CELF4: variants seen among roughly 807,000 people sequenced by gnomAD.
The protein encoded by CELF4 is CUGBP Elav-like family member 4.
A neutral mutation model predicts 59.9 loss-of-function variants in CELF4; 18 were observed. The observed-to-expected ratio is 0.30, with a 90% CI of 0.21 to 0.45. The LOEUF (loss-of-function observed/expected upper bound fraction) is 0.45. Ranked by LOEUF, CELF4 falls within the 20% of genes least tolerant of loss-of-function variation. CELF4 has a pLI of 1.00. For synonymous variants in CELF4, 261 were observed against 267.1 expected, an observed-to-expected ratio of 0.98 and a Z score of 0.22; for missense variants, 456 against 689.0, an observed-to-expected ratio of 0.66 and a Z score of 3.79.
chr18:37,561,328 C>T (rs932350356), intron 1 of CELF4, among the ~76,000 whole-genome samples: 10 of 152,182 alleles, frequency 6.6e-5, no homozygotes, highest in South Asian at 2.1e-4. Context: ...TAAAATGCAT[C>T]GTAGGCTCTG....
chr18:37,426,880 T>C (rs537787541), intron 2 of CELF4, among the ~76,000 whole-genome samples: 2 of 151,256 alleles, frequency 1.3e-5, no homozygotes, highest in Admixed American at 6.6e-5. Flanking sequence ...TTAATCCCCA[T>C]GGATTACTTG....
chr18:37,353,097 T>G (rs1469404061), intron 2 of CELF4, among the ~76,000 whole-genome samples: 1 of 151,540 alleles, frequency 6.6e-6, no homozygotes, highest in East Asian at 1.9e-4. Flanking sequence ...GGCACGTGCC[T>G]GCAGTCCCAG....
At chr18:37,402,214 G>C (rs1378177079) in intron 2 of CELF4, among the ~76,000 whole-genome samples, 1 of 152,222 alleles carries the variant, frequency 6.6e-6, no homozygotes, top group Non-Finnish European at 1.5e-5. Flanking sequence ...CAGGGAGGCT[G>C]CTGAGGTGAA....
chr18:37,350,874 T>C (rs933339240), intron 2 of CELF4, among the ~76,000 whole-genome samples: 3 of 152,048 alleles, frequency 2.0e-5, no homozygotes, highest in African/African-American at 7.2e-5. Context: ...GGAGAGGGCA[T>C]GGTCAGGATT....
chr18:37,296,488 G>A (rs894774), intron 3 of CELF4, among the ~76,000 whole-genome samples: 72,960 of 152,078 alleles, frequency 0.48, 17,911 homozygotes, highest in South Asian at 0.62. Flanking sequence ...GAGCCACTGC[G>A]CCTGGCCGGT....
chr18:37,308,914 C>T (rs1300738368), intron 3 of CELF4, among the ~76,000 whole-genome samples: 3 of 152,208 alleles, frequency 2.0e-5, no homozygotes, highest in Non-Finnish European at 2.9e-5. Flanking sequence ...AGCTGACCCT[C>T]CACACTCAGA....
intron 2 of CELF4, among the ~76,000 whole-genome samples, chr18:37,407,529 G>A (rs1242941376): frequency 6.6e-6 from 1 of 151,994 alleles, no homozygotes; most frequent in Non-Finnish European, 1.5e-5. Flanking sequence ...GTACAGGTGT[G>A]TACATGTGTG....
chr18:37,435,097 T>C (rs915121208), intron 2 of CELF4, among the ~76,000 whole-genome samples: 1 of 152,114 alleles, frequency 6.6e-6, no homozygotes, highest in Non-Finnish European at 1.5e-5. Context: ...GGGTTCCCCT[T>C]TGGGGGTAGA....
rs909048890 is a variant in CELF4 at position 37,504,998 on chromosome 18, G to A, written c.287-19391C>T. On this transcript the variant is annotated intron_variant, in intron 1 of 12. Coordinates refer to ENST00000420428, the MANE Select transcript of CELF4 (RefSeq NM_020180.4). Reference sequence around the variant, plus strand: ...GAAGGCCAAGAGGAGTCCTAGGGCTGGCCAGAGCCCATCCTCCTCCAGCCA... The same window carrying A: ...GAAGGCCAAGAGGAGTCCTAGGGCTAGCCAGAGCCCATCCTCCTCCAGCCA... 3.7e-4 allele frequency among the ~76,000 whole-genome samples: 57 copies of A among 152,380 alleles called. No individual in the cohort carries two copies. In the Middle Eastern group the frequency reaches 0.01, roughly 27 times the overall value.
intron 11 of CELF4, 25 bp downstream of exon 11, chr18:37,259,156 A>G: frequency 6.2e-7 from 1 of 1,613,750 alleles, no homozygotes; most frequent in Non-Finnish European, 8.5e-7. Flanking sequence ...CCGATCCACA[A>G]ACACTTTCGA....
At chr18:37,518,368 C>T (rs186310670) in intron 1 of CELF4, among the ~76,000 whole-genome samples, 4 of 152,284 alleles carry the variant, frequency 2.6e-5, no homozygotes, top group East Asian at 1.9e-4. Flanking sequence ...CGCTTTATAG[C>T]GTGATTATGA....
At chr18:37,491,857 G>C (rs2099906746) in intron 1 of CELF4, among the ~76,000 whole-genome samples, 1 of 152,216 alleles carries the variant, frequency 6.6e-6, no homozygotes, top group African/African-American at 2.4e-5. Context: ...GGAAAACACA[G>C]TGCAGCAGAA....
intron 2 of CELF4, among the ~76,000 whole-genome samples, chr18:37,444,659 C>T (rs185819904): frequency 7.2e-4 from 107 of 149,024 alleles, no homozygotes; most frequent in African/African-American, 2.1e-3. Flanking sequence ...CACACGCGAA[C>T]GATGCAGTTT....
intron 2 of CELF4, among the ~76,000 whole-genome samples, chr18:37,376,834 T>G (rs1483873889): frequency 1.3e-5 from 2 of 152,214 alleles, no homozygotes; most frequent in African/African-American, 4.8e-5. Flanking sequence ...AGTGGATGAA[T>G]TCTGCAATGT....
At chr18:37,352,970 C>T (rs572336859) in intron 2 of CELF4, among the ~76,000 whole-genome samples, 111 of 152,096 alleles carry the variant, frequency 7.3e-4, no homozygotes, top group South Asian at 1.2e-3. Context: ...GCCTGTAATC[C>T]CAGCACTTTG....
At chr18:37,496,652 T>A (rs1470774584) in intron 1 of CELF4, among the ~76,000 whole-genome samples, 1 of 152,200 alleles carries the variant, frequency 6.6e-6, no homozygotes, top group Admixed American at 6.5e-5. Context: ...TTGGAAAATG[T>A]GACTTTCTTT....
chr18:37,373,234 T>G (rs1273796728), intron 2 of CELF4, among the ~76,000 whole-genome samples: 2 of 152,216 alleles, frequency 1.3e-5, no homozygotes, highest in Non-Finnish European at 2.9e-5. Flanking sequence ...TGGCCCTTTC[T>G]CACTGCTGGT....
At chr18:37,392,430 C>T (rs1028889921) in intron 2 of CELF4, among the ~76,000 whole-genome samples, 1 of 152,194 alleles carries the variant, frequency 6.6e-6, no homozygotes, top group African/African-American at 2.4e-5. Flanking sequence ...AAGCCTCTTG[C>T]TTAGTGCTCC....
intron 2 of CELF4, among the ~76,000 whole-genome samples, chr18:37,347,959 G>A (rs1569567231): frequency 6.6e-6 from 1 of 152,076 alleles, no homozygotes; most frequent in South Asian, 2.1e-4. Flanking sequence ...GCTCAGAAGG[G>A]GCCAACCAGG....
Sources: gnomAD v4.1 joint callset for allele counts (sites outside exome capture counted in the v4.1 genomes callset) on GRCh38, gnomAD v4.1.1 for gene constraint, MANE v1.5 for transcripts, NCBI Gene and HGNC (gene_info 2026-07-23, HGNC 2026-07-21) for gene names.